Variants in DPP10 observed in about 807,000 individuals in gnomAD.
DPP10 encodes the protein inactive dipeptidyl peptidase 10.
A neutral mutation model predicts 120.9 loss-of-function variants in DPP10; 33 were observed. That is an observed-to-expected ratio of 0.27 (90% CI 0.21 to 0.37). DPP10 has a LOEUF of 0.37. Among genes scored for constraint, DPP10 ranks in the 10% least tolerant of loss-of-function variants. The pLI is 1.00. For missense variants in DPP10, 816 were observed against 942.8 expected, an observed-to-expected ratio of 0.87 and a Z score of 1.76; for synonymous variants, 337 against 326.1, an observed-to-expected ratio of 1.03 and a Z score of -0.36.
chr2:114,580,403 A>T (rs1166016786), intron 1 of DPP10, among the ~76,000 whole-genome samples: 1 of 152,198 alleles, frequency 6.6e-6, no homozygotes, highest in Non-Finnish European at 1.5e-5. Flanking sequence ...ACTCTAGATA[A>T]CTATCCACCC....
intron 1 of DPP10, among the ~76,000 whole-genome samples, chr2:115,090,485 C>T (rs924054170): frequency 2.0e-5 from 3 of 152,006 alleles, no homozygotes; most frequent in Non-Finnish European, 4.4e-5. Flanking sequence ...GCACTTGCCT[C>T]GGGACAGTCT....
intron 4 of DPP10, among the ~76,000 whole-genome samples, chr2:115,520,298 A>C (rs1263077749): frequency 6.6e-6 from 1 of 152,188 alleles, no homozygotes; most frequent in Non-Finnish European, 1.5e-5. Context: ...AGCCCGGGTG[A>C]CAGTGCGAGA....
At chr2:115,442,574 T>C (rs2072179765) in intron 3 of DPP10, among the ~76,000 whole-genome samples, 1 of 152,174 alleles carries the variant, frequency 6.6e-6, no homozygotes, top group Non-Finnish European at 1.5e-5. Context: ...TCTGGTTGTT[T>C]GCCTGTGAGC....
intron 3 of DPP10, among the ~76,000 whole-genome samples, chr2:115,490,721 G>A (rs2076062456): frequency 6.6e-6 from 1 of 152,160 alleles, no homozygotes; most frequent in South Asian, 2.1e-4. Flanking sequence ...TTATTTAAAT[G>A]TAATATTGTA....
At chr2:115,142,677 A>G (rs2050994344) in intron 1 of DPP10, among the ~76,000 whole-genome samples, 1 of 152,122 alleles carries the variant, frequency 6.6e-6, no homozygotes, top group East Asian at 1.9e-4. Flanking sequence ...GACCCTTCTG[A>G]AGATGCTGTA....
chr2:115,351,034 G>A (rs937747793), intron 3 of DPP10, among the ~76,000 whole-genome samples: 1 of 151,996 alleles, frequency 6.6e-6, no homozygotes, highest in African/African-American at 2.4e-5. Flanking sequence ...TATACCCAAA[G>A]GAAAATAAAC....
At chr2:114,577,943 T>G (rs149391928) in intron 1 of DPP10, among the ~76,000 whole-genome samples, 1 of 152,230 alleles carries the variant, frequency 6.6e-6, no homozygotes, top group Non-Finnish European at 1.5e-5. Flanking sequence ...AATGACCTCA[T>G]TTTAACTAAT....
chr2:114,670,127 C>T (rs1005101813), intron 1 of DPP10, among the ~76,000 whole-genome samples: 3 of 152,126 alleles, frequency 2.0e-5, no homozygotes, highest in Non-Finnish European at 4.4e-5. Context: ...CCTCAGGGAT[C>T]TAGAACCAGA....
At chr2:115,387,785 G>C (rs752217682) in intron 3 of DPP10, among the ~76,000 whole-genome samples, 11 of 152,242 alleles carry the variant, frequency 7.2e-5, no homozygotes, top group East Asian at 5.8e-4. Flanking sequence ...AGTGGCTAAA[G>C]GTAAATATGA....
intron 1 of DPP10, among the ~76,000 whole-genome samples, chr2:114,685,355 G>A (rs918604694): frequency 6.6e-6 from 1 of 151,908 alleles, no homozygotes; most frequent in Non-Finnish European, 1.5e-5. Flanking sequence ...AGGAATCACT[G>A]CCTGATCCCT....
intron 7 of DPP10, among the ~76,000 whole-genome samples, chr2:115,717,241 A>C (rs1559068358): frequency 6.6e-6 from 1 of 152,218 alleles, no homozygotes; most frequent in Non-Finnish European, 1.5e-5. Flanking sequence ...GGGAGTAAGC[A>C]ACAGAAATAG....
intron 1 of DPP10, among the ~76,000 whole-genome samples, chr2:114,607,638 G>C (rs1012564933): frequency 9.2e-5 from 14 of 152,144 alleles, no homozygotes; most frequent in African/African-American, 2.2e-4. Flanking sequence ...TCCAGCTCTG[G>C]GAATATGCAG....
At chr2:114,630,150 A>G (rs1255116790) in intron 1 of DPP10, among the ~76,000 whole-genome samples, 1 of 152,102 alleles carries the variant, frequency 6.6e-6, no homozygotes, top group East Asian at 1.9e-4. Context: ...AGTGCTCTAT[A>G]TTTTATAATT....
chr2:114,462,987 G>A (rs1398398985), intron 1 of DPP10, among the ~76,000 whole-genome samples: 1 of 152,028 alleles, frequency 6.6e-6, no homozygotes, highest in Non-Finnish European at 1.5e-5. Context: ...ATAAGCTCCA[G>A]GATGATCTTG....
At chr2:114,532,081 C>T (rs1686037948) in intron 1 of DPP10, among the ~76,000 whole-genome samples, 2 of 151,542 alleles carry the variant, frequency 1.3e-5, no homozygotes, top group Non-Finnish European at 1.5e-5. Context: ...GCTCCCAGTT[C>T]TCAGGTTTTT....
intron 1 of DPP10, among the ~76,000 whole-genome samples, chr2:114,857,707 G>A (rs1689481296): frequency 6.6e-6 from 1 of 152,088 alleles, no homozygotes; most frequent in Admixed American, 6.5e-5. Context: ...AATTACTTTT[G>A]CACTAATGTA....
intron 1 of DPP10, among the ~76,000 whole-genome samples, chr2:114,533,228 A>G (rs1176480907): frequency 6.6e-6 from 1 of 151,864 alleles, no homozygotes; most frequent in Admixed American, 6.6e-5. Flanking sequence ...AATGGGGGGA[A>G]CTCTGTCCTT....
intron 1 of DPP10, among the ~76,000 whole-genome samples, chr2:114,848,325 C>A (rs550255576): frequency 3.3e-5 from 5 of 152,204 alleles, no homozygotes; most frequent in Non-Finnish European, 7.4e-5. Context: ...AGATATGAGT[C>A]CAAGATTCAC....
chr2:115,372,635 C>A (rs965600967), intron 3 of DPP10, among the ~76,000 whole-genome samples: 1 of 152,152 alleles, frequency 6.6e-6, no homozygotes, highest in African/African-American at 2.4e-5. Context: ...GCTACTGATT[C>A]AGCAACTGAA....
Sources: gnomAD v4.1 joint callset for allele counts (sites outside exome capture counted in the v4.1 genomes callset) on GRCh38, gnomAD v4.1.1 for gene constraint, MANE v1.5 for transcripts, NCBI Gene and HGNC (gene_info 2026-07-23, HGNC 2026-07-21) for gene names.